Variants in CYTH3 observed in about 807,000 individuals in gnomAD.
The protein encoded by CYTH3 is cytohesin-3.
A neutral mutation model predicts 55.1 loss-of-function variants in CYTH3; 23 were observed. That is an observed-to-expected ratio of 0.42 (90% CI 0.30 to 0.59). The LOEUF (loss-of-function observed/expected upper bound fraction) is 0.59, where lower values mean the gene tolerates loss of function less well. CYTH3 is among the 20% of genes least tolerant of loss of function. CYTH3 has a pLI of 0.20. For missense variants in CYTH3, 413 were observed against 524.8 expected, an observed-to-expected ratio of 0.79 and a Z score of 2.08; for synonymous variants, 249 against 194.9, an observed-to-expected ratio of 1.28 and a Z score of -2.31.
intron 1 of CYTH3, among the ~76,000 whole-genome samples, chr7:6,205,512 C>G (rs1339074709): frequency 1.3e-5 from 2 of 150,656 alleles, no homozygotes; most frequent in Non-Finnish European, 3.0e-5. Flanking sequence ...AGGTAGAAGT[C>G]GCACTGAGCC....
chr7:6,199,141 G>A (rs1348962426), intron 1 of CYTH3, among the ~76,000 whole-genome samples: 1 of 152,072 alleles, frequency 6.6e-6, no homozygotes, highest in Non-Finnish European at 1.5e-5. Flanking sequence ...TAAGAATCAG[G>A]AGCAAATTCA....
chr7:6,262,861 G>A (rs956713508), intron 1 of CYTH3, among the ~76,000 whole-genome samples: 16 of 152,132 alleles, frequency 1.1e-4, no homozygotes, highest in Non-Finnish European at 1.5e-5. Flanking sequence ...CAAGGCTGCA[G>A]TGAGCTATGA....
chr7:6,263,073 A>C (rs1019168095), intron 1 of CYTH3, among the ~76,000 whole-genome samples: 1 of 152,176 alleles, frequency 6.6e-6, no homozygotes, highest in Non-Finnish European at 1.5e-5. Flanking sequence ...CTATACCTCT[A>C]ACCTTCTCCA....
At chr7:6,237,239 G>A (rs1044798478) in intron 1 of CYTH3, among the ~76,000 whole-genome samples, 3 of 152,208 alleles carry the variant, frequency 2.0e-5, no homozygotes, top group South Asian at 2.1e-4. Flanking sequence ...AGGTACAAGT[G>A]CAACAACACT....
At chr7:6,253,159 G>A (rs1358214526) in intron 1 of CYTH3, among the ~76,000 whole-genome samples, 2 of 151,268 alleles carry the variant, frequency 1.3e-5, no homozygotes, top group African/African-American at 4.9e-5. Context: ...TCTATAGGAT[G>A]CAAATAATGA....
chr7:6,170,811 CGCG>C lies in CYTH3; in HGVS notation c.711+16_711+18del. The C allele has an allele frequency of 6.2e-7, 1 of 1,602,444 alleles. No individual in the cohort carries two copies. The highest frequency in any genetic ancestry group is 8.5e-7 in the Non-Finnish European group (1 of 1,174,342). ...AAGAGATCCTGCAGACGGCAGCGGC[CGCG>C]GGCCGGGGAGCTCACCCTCAGCAGC... On this transcript the variant is annotated intron_variant, in intron 8 of 12. Coordinates refer to ENST00000350796, the MANE Select transcript of CYTH3 (RefSeq NM_004227.4). The surrounding 1 kb of genome is among the most constrained non-coding windows in gnomAD (Gnocchi z 7.8).
intron 9 of CYTH3, among the ~76,000 whole-genome samples, chr7:6,168,961 A>G (rs1268654688): frequency 2.0e-5 from 3 of 152,032 alleles, no homozygotes; most frequent in Admixed American, 2.0e-4. Flanking sequence ...TTCCGGTTAC[A>G]TTCCCCCCCA....
intron 6 of CYTH3, chr7:6,172,208 GGCCCCGC>G (rs1783218791): frequency 6.5e-6 from 1 of 152,680 alleles, no homozygotes; most frequent in Non-Finnish European, 1.5e-5. Context: ...GATGCAGCCT[GGCCCCGC>G]GGGGCTCCTC....
rs917320342 is a variant in CYTH3 at position 6,250,530 on chromosome 7, G to A, written c.34+21944C>T. Among the ~76,000 whole-genome samples, 25 of 152,228 alleles carry A rather than the reference G, an allele frequency of 1.6e-4. No homozygotes were observed. In the South Asian group the frequency reaches 3.9e-3, roughly 24 times the overall value. On this transcript the variant is annotated intron_variant, in intron 1 of 12. Transcript: ENST00000350796. The stretch of plus-strand genomic sequence containing the variant: ...CTGACACTGAATCGAGCTGCAACAC[G>A]GATGAACCTGGGAAAATGACTCATG...
chr7:6,230,572 C>T (rs1029224244), intron 1 of CYTH3, among the ~76,000 whole-genome samples: 2 of 152,030 alleles, frequency 1.3e-5, no homozygotes, highest in Admixed American at 1.3e-4. Context: ...GGGGTTTACA[C>T]GGTGAAAAAA....
chr7:6,232,738 C>T (rs931299348), intron 1 of CYTH3, among the ~76,000 whole-genome samples: 12 of 152,332 alleles, frequency 7.9e-5, no homozygotes, highest in African/African-American at 2.2e-4. Context: ...CCGCTTCCCT[C>T]GTCTACGGTC....
At chr7:6,210,636 T>G (rs902522359) in intron 1 of CYTH3, among the ~76,000 whole-genome samples, 16 of 152,132 alleles carry the variant, frequency 1.1e-4, no homozygotes, top group African/African-American at 3.9e-4. Context: ...TAAGACAGAG[T>G]TCATGCTGCT....
chr7:6,266,200 G>C lies in CYTH3; in HGVS notation c.34+6274C>G, dbSNP rs1780487134. On this transcript the variant is annotated intron_variant, in intron 1 of 12. Coordinates refer to ENST00000350796, the MANE Select transcript of CYTH3 (RefSeq NM_004227.4). ...AAACCACTCTCCACTCAGGAGTCAA[G>C]AATATGCTTCTTTAAAAAGCAGGGG... Among the ~76,000 whole-genome samples the C allele has an allele frequency of 2.0e-5, 3 of 152,152 alleles. No individual in the cohort carries two copies. In the South Asian group the frequency reaches 6.2e-4, roughly 32 times the overall value.
intron 1 of CYTH3, among the ~76,000 whole-genome samples, chr7:6,195,160 A>C (rs573167302): frequency 6.6e-6 from 1 of 152,272 alleles, no homozygotes; most frequent in South Asian, 2.1e-4. Context: ...CAAATTTATT[A>C]ATATTTTCAA....
At chr7:6,205,552 C>T (rs1165427838) in intron 1 of CYTH3, among the ~76,000 whole-genome samples, 1 of 152,036 alleles carries the variant, frequency 6.6e-6, no homozygotes, top group Non-Finnish European at 1.5e-5. Context: ...CCAGCCTGGG[C>T]AAAAGAATGA....
At position 6,169,621 on chromosome 7, in the gene CYTH3, C is replaced by T. The variant is rs1056172271; in HGVS notation, c.823+914G>A. Among the ~76,000 whole-genome samples the T allele has an allele frequency of 6.6e-6, 1 of 152,212 alleles. No homozygotes were observed. Among genetic ancestry groups the T allele is most frequent in the African/African-American group, 2.4e-5 (1 of 41,456 alleles). ...GTGAACCCAGCTACCGCATCTCGCCCGCTTCACTGTGGGCATAAGGCAACC... is the reference window on the plus strand; with the variant it reads ...GTGAACCCAGCTACCGCATCTCGCCTGCTTCACTGTGGGCATAAGGCAACC... On this transcript the variant is annotated intron_variant, in intron 9 of 12. Transcript: ENST00000350796. The surrounding 1 kb of genome is among the most constrained non-coding windows in gnomAD (Gnocchi z 4.1).
Position 6,187,736 on chromosome 7 carries a change from G to T in CYTH3, c.118-15C>A, listed in dbSNP as rs369285609. 1.9e-6 allele frequency: 3 copies of T among 1,612,968 alleles called. No individual in the cohort carries two copies. The highest frequency in any genetic ancestry group is 2.5e-6 in the Non-Finnish European group (3 of 1,179,096). On this transcript the variant is annotated splice_polypyrimidine_tract_variant and intron_variant, in intron 2 of 12. Coordinates refer to ENST00000350796, the MANE Select transcript of CYTH3 (RefSeq NM_004227.4). ...TATTTCAGCCTCTGTCAAAAAAGAA[G>T]AATTTCGAGGTGGGGAGTGGGTCTT...
intron 1 of CYTH3, among the ~76,000 whole-genome samples, chr7:6,237,258 G>T (rs1779547505): frequency 6.6e-6 from 1 of 152,226 alleles, no homozygotes; most frequent in South Asian, 2.1e-4. Flanking sequence ...CTGCCGCAGG[G>T]AACACAGTTG....
At chr7:6,174,560 T>C (rs1783289336) in intron 5 of CYTH3, among the ~76,000 whole-genome samples, 2 of 145,744 alleles carry the variant, frequency 1.4e-5, no homozygotes, top group South Asian at 4.5e-4. Flanking sequence ...TTTTTTTTTT[T>C]TTTTCCAGAC....
Sources: gnomAD v4.1 joint callset for allele counts (sites outside exome capture counted in the v4.1 genomes callset) on GRCh38, gnomAD v4.1.1 for gene constraint, Gnocchi (gnomAD v3.1) non-coding constraint, MANE v1.5 for transcripts, NCBI Gene and HGNC (gene_info 2026-07-23, HGNC 2026-07-21) for gene names.